Variants in SGCD observed in about 807,000 individuals in gnomAD.
The protein encoded by SGCD is delta-sarcoglycan.
Under a neutral mutation model 36.6 loss-of-function variants are expected in SGCD, and 18 were observed. The observed-to-expected ratio is 0.49, with a 90% CI of 0.34 to 0.73. SGCD has a LOEUF of 0.73. SGCD is among the 30% of genes least tolerant of loss of function. The pLI, the probability that SGCD is intolerant of heterozygous loss-of-function variation, is 0.01. For synonymous variants in SGCD, 133 were observed against 130.6 expected (o/e 1.02, Z -0.12); for missense variants, 387 against 346.7 (o/e 1.12, Z -0.92).
intron 2 of SGCD, among the ~76,000 whole-genome samples, chr5:156,341,879 T>C (rs999914949): frequency 5.9e-5 from 9 of 152,228 alleles, no homozygotes; most frequent in African/African-American, 2.2e-4. Flanking sequence ...GCCCAGCTAA[T>C]TTTTGTATTT....
At chr5:156,574,519 AG>A (rs1759845126) in intron 4 of SGCD, among the ~76,000 whole-genome samples, 2 of 152,186 alleles carry the variant, frequency 1.3e-5, no homozygotes, top group Admixed American at 1.3e-4. Context: ...TAGCACAGCT[AG>A]GATGTTAATT....
intron 1 of SGCD, among the ~76,000 whole-genome samples, chr5:155,887,312 GT>G (rs1367408306): frequency 6.6e-6 from 1 of 152,144 alleles, no homozygotes; most frequent in Admixed American, 6.5e-5. Flanking sequence ...TGGGTTTTCT[GT>G]TCCTTGGTCT....
chr5:156,601,081 C>T (rs1005292135), intron 6 of SGCD, among the ~76,000 whole-genome samples: 1 of 152,106 alleles, frequency 6.6e-6, no homozygotes, highest in South Asian at 2.1e-4. Context: ...TCAACATTTT[C>T]TTCCATGTAG....
At chr5:156,458,745 C>T (rs927960525) in intron 3 of SGCD, among the ~76,000 whole-genome samples, 1 of 152,198 alleles carries the variant, frequency 6.6e-6, no homozygotes, top group Admixed American at 6.5e-5. Context: ...CGATCATCCA[C>T]CTGAAATACA....
chr5:156,563,262 G>A (rs763183473), intron 4 of SGCD, among the ~76,000 whole-genome samples: 5 of 152,132 alleles, frequency 3.3e-5, no homozygotes, highest in Admixed American at 6.6e-5. Flanking sequence ...GATTACAGGC[G>A]TGAGACACCA....
chr5:155,838,741 T>C, the SGCD span, among the ~76,000 whole-genome samples: 1 of 148,292 alleles, frequency 6.7e-6, no homozygotes, highest in South Asian at 2.1e-4. Context: ...AAAATCAAAC[T>C]CTTTTCCATT....
intron 3 of SGCD, among the ~76,000 whole-genome samples, chr5:156,171,731 TAAAG>T (rs1763351066): frequency 6.6e-6 from 1 of 152,252 alleles, no homozygotes; most frequent in Middle Eastern, 3.4e-3. Flanking sequence ...AAAATCAAAA[TAAAG>T]AGTTTAAAAA....
chr5:156,281,985 C>T (rs113008985), intron 3 of SGCD, among the ~76,000 whole-genome samples: 1 of 151,832 alleles, frequency 6.6e-6, no homozygotes, highest in Non-Finnish European at 1.5e-5. Flanking sequence ...GAGCCAAGAT[C>T]GCGCCACTGC....
At chr5:155,973,238 GA>G (rs926251621) in intron 1 of SGCD, among the ~76,000 whole-genome samples, 1 of 152,118 alleles carries the variant, frequency 6.6e-6, no homozygotes, top group African/African-American at 2.4e-5. Context: ...CATTTGCAGT[GA>G]AGTCCAAACC....
At chr5:155,874,764 AG>A (rs1755731697) in intron 1 of SGCD, among the ~76,000 whole-genome samples, 1 of 152,126 alleles carries the variant, frequency 6.6e-6, no homozygotes, top group African/African-American at 2.4e-5. Context: ...TGAAAATACC[AG>A]GTATTGGTGA....
intron 1 of SGCD, among the ~76,000 whole-genome samples, chr5:155,937,013 G>A (rs1269865219): frequency 6.6e-6 from 1 of 152,220 alleles, no homozygotes; most frequent in Admixed American, 6.5e-5. Context: ...AGGGAGTGGG[G>A]GGAGAGACCA....
rs182498127 is a variant in SGCD, at chr5:156,431,995, C to T, written c.193-76606C>T. On this transcript the variant is annotated intron_variant, in intron 3 of 8. Coordinates refer to ENST00000337851, the MANE Select transcript of SGCD (RefSeq NM_000337.6). ...CCTCTCAAAGTGCTGGAATTACAGG[C>T]GTGAGCCACCGCACCCAGCCAGACT... is the stretch of plus-strand genomic sequence containing the variant. Among the ~76,000 whole-genome samples the T allele has an allele frequency of 6.6e-5, 10 of 152,234 alleles. No individual in the cohort carries two copies. In the East Asian group the frequency reaches 1.5e-3, roughly 24 times the overall value.
At chr5:156,406,973 C>T (rs561686775) in intron 3 of SGCD, among the ~76,000 whole-genome samples, 110 of 151,552 alleles carry the variant, frequency 7.3e-4, no homozygotes, top group Non-Finnish European at 1.1e-3. Context: ...ACTTAGAGTC[C>T]GATGTTCAAA....
chr5:156,194,339 A>G (rs1200105433), intron 3 of SGCD, among the ~76,000 whole-genome samples: 1 of 152,172 alleles, frequency 6.6e-6, no homozygotes, highest in Admixed American at 6.6e-5. Context: ...AGATTGCTCC[A>G]TTGCTCATCA....
chr5:155,783,935 T>C, the SGCD span, among the ~76,000 whole-genome samples: 1 of 152,198 alleles, frequency 6.6e-6, no homozygotes, highest in African/African-American at 2.4e-5. Context: ...GATTCGTTGG[T>C]CTTCCCTCCT....
intron 1 of SGCD, among the ~76,000 whole-genome samples, chr5:155,910,874 C>T (rs942316445): frequency 6.6e-6 from 1 of 152,076 alleles, no homozygotes; most frequent in Admixed American, 6.6e-5. Context: ...TTATAATCAG[C>T]TGCATAAATA....
At chr5:155,938,549 T>C (rs539563334) in intron 1 of SGCD, among the ~76,000 whole-genome samples, 25 of 152,328 alleles carry the variant, frequency 1.6e-4, no homozygotes, top group Admixed American at 5.2e-4. Flanking sequence ...TATTGAAATA[T>C]AGATGAAGTT....
chr5:156,601,672 G>A (rs544225574), intron 6 of SGCD, among the ~76,000 whole-genome samples: 10 of 151,896 alleles, frequency 6.6e-5, no homozygotes, highest in Admixed American at 6.6e-4. Flanking sequence ...TAATGTCATT[G>A]GGTTTTTTTG....
intron 7 of SGCD, among the ~76,000 whole-genome samples, chr5:156,755,966 A>G (rs1757319941): frequency 1.3e-5 from 2 of 152,072 alleles, no homozygotes; most frequent in Admixed American, 1.3e-4. Flanking sequence ...TCCGTAGTGG[A>G]TCTTACTGGT....
Sources: allele counts gnomAD v4.1 joint callset (sites outside exome capture counted in the v4.1 genomes callset), GRCh38; gene constraint gnomAD v4.1.1; transcripts MANE v1.5; gene names NCBI Gene and HGNC (gene_info 2026-07-23, HGNC 2026-07-21).